NLRP4: variants seen among roughly 807,000 people sequenced by gnomAD.
The protein encoded by NLRP4 is NACHT, LRR and PYD domains-containing protein 4.
Under a neutral mutation model 84.7 loss-of-function variants are expected in NLRP4, and 44 were observed. The ratio of observed to expected loss-of-function variants is 0.52; its 90% CI spans 0.41 to 0.67. The LOEUF (loss-of-function observed/expected upper bound fraction) is 0.67. NLRP4 is among the 30% of genes least tolerant of loss of function. NLRP4 has a pLI of 0.00. For missense variants in NLRP4, 1,260 were observed against 1,219.4 expected (o/e 1.03, Z -0.50); for synonymous variants, 544 against 476.4 (o/e 1.14, Z -1.85).
At chr19:55,847,466 T>G (rs759241564) in intron 1 of NLRP4, among the ~76,000 whole-genome samples, 31 of 152,322 alleles carry the variant, frequency 2.0e-4, no homozygotes, top group Middle Eastern at 3.4e-3. Flanking sequence ...TAAAATGTGT[T>G]GATTTTTATA....
intron 6 of NLRP4, among the ~76,000 whole-genome samples, chr19:55,868,503 CTT>C (rs58089624): frequency 5.0e-5 from 7 of 139,898 alleles, no homozygotes; most frequent in Admixed American, 7.2e-5. Flanking sequence ...GCATTTGTGT[CTT>C]TTTTTTTTTT....
In NLRP4 at chr19:55,858,905, T is replaced by C. The variant is rs1337278304; in HGVS notation, c.1512T>C (p.Thr504=). The change falls in exon 3 of 10, where the codon ACT becomes ACC. Residue 504 remains threonine (T), a synonymous_variant. Coordinates refer to ENST00000301295, the MANE Select transcript of NLRP4 (RefSeq NM_134444.5). This position sits in a 1 kb window ranked among gnomAD's most constrained non-coding sequence, Gnocchi z 4.2. The part of the protein sequence containing the change: ...AHWIFLGCFL[T]GLLNKKEQEK... ...GGATTTTTTTGGGGTGTTTTCTAAC[T>C]GGCCTTTTAAATAAAAAGGAACAAG... 1.2e-6 allele frequency: 2 copies of C among 1,614,172 alleles called. No homozygotes were observed. Among genetic ancestry groups the C allele is most frequent in the South Asian group, 1.1e-5 (1 of 91,086 alleles).
At chr19:55,864,760 AT>A (rs1216291812) in intron 5 of NLRP4, among the ~76,000 whole-genome samples, 2 of 151,910 alleles carry the variant, frequency 1.3e-5, no homozygotes, top group African/African-American at 4.8e-5. Context: ...ATATTTACTT[AT>A]TTTTTATTAT....
chr19:55,867,064 C>T (rs138936477), intron 5 of NLRP4, among the ~76,000 whole-genome samples: 3,427 of 149,642 alleles, frequency 0.023, 76 homozygotes, highest in Middle Eastern at 0.11. Flanking sequence ...GACGGTGCAT[C>T]TCAGGTTGGC....
At position 55,857,947 on chromosome 19, in the gene NLRP4, C is replaced by T. The variant is rs766611789; in HGVS notation, c.554C>T (p.Thr185Met). The T allele has an allele frequency of 4.5e-5, 73 of 1,614,074 alleles. No individual in the cohort carries two copies. Among genetic ancestry groups the T allele is most frequent in the South Asian group, 1.8e-4 (16 of 91,078 alleles). Residue 185 changes from threonine (T) to methionine (M), a missense_variant, in exon 3 of 10, where the codon ACG becomes ATG. Physicochemically the swap from Thr to Met is moderately conservative, Grantham distance 81. Around this residue, in one of 3 missense-constraint regions of NLRP4, gnomAD observed 712 missense variants for 669.2 expected, o/e 1.06. Transcript: ENST00000301295. ...ATCTTTCGGGATAGGTTCCTGTACA[C>T]GTTCTATTTCTGCTGCAGAGAACTG... ...NKIFRDRFLYTFYFCCRELRE... is the reference protein window; with the variant it reads ...NKIFRDRFLYMFYFCCRELRE...
Position 55,858,473 on chromosome 19 carries a change from C to T in NLRP4, c.1080C>T (p.Asp360=). 1.2e-6 allele frequency: 2 copies of T among 1,614,136 alleles called. No individual in the cohort carries two copies. The highest frequency in any genetic ancestry group is 1.7e-6 in the Non-Finnish European group (2 of 1,180,040). ...AGCAAGAGATGCAGAAAGGAAAAGA[C>T]CTGGCCCTGACCTGCCAGAGCACTA... ...SLKQEMQKGK[D]LALTCQSTTS... The change falls in exon 3 of 10, where the codon GAC becomes GAT. Residue 360 remains aspartate (D), a synonymous_variant. Transcript: ENST00000301295. This position sits in a 1 kb window ranked among gnomAD's most constrained non-coding sequence, Gnocchi z 4.2.
chr19:55,848,912 T>A (rs112285405), intron 1 of NLRP4, among the ~76,000 whole-genome samples: 2,750 of 152,270 alleles, frequency 0.018, 46 homozygotes, highest in Non-Finnish European at 0.028. Flanking sequence ...GATGGTTCTA[T>A]AAGGGGAAAC....
At chr19:55,879,310 A>G (rs2123073527) in intron 9 of NLRP4, among the ~76,000 whole-genome samples, 1 of 152,314 alleles carries the variant, frequency 6.6e-6, no homozygotes, top group African/African-American at 2.4e-5. Context: ...GGCAAAAGAA[A>G]GAAGAGCTGT....
chr19:55,845,932 C>G (rs1289948655), intron 1 of NLRP4, among the ~76,000 whole-genome samples: 6 of 150,992 alleles, frequency 4.0e-5, no homozygotes, highest in Non-Finnish European at 7.4e-5. Flanking sequence ...AGCCCTTTGT[C>G]AGATGAGTAG....
In NLRP4 at chr19:55,858,013, G is replaced by T. The variant is rs1337776698; in HGVS notation, c.620G>T (p.Arg207Ile). ...ACGAGTTTGGCTGACTTGATTTCCAGAGAGTGGCCTGACCCCGCTGCTCCT... is the reference window on the plus strand; with the variant it reads ...ACGAGTTTGGCTGACTTGATTTCCATAGAGTGGCCTGACCCCGCTGCTCCT... ...PPTSLADLIS[R>I]EWPDPAAPIT... The change falls in exon 3 of 10, where the codon AGA becomes ATA. Residue 207 changes from arginine (R) to isoleucine (I), a missense_variant. Arg to Ile is a moderately conservative substitution (Grantham distance 97). Transcript: ENST00000301295. The surrounding 1 kb of genome is among the most constrained non-coding windows in gnomAD (Gnocchi z 4.2). 1.9e-6 allele frequency: 3 copies of T among 1,614,104 alleles called. No individual in the cohort carries two copies. The African/African-American group carries it at 4.0e-5, about 22-fold the overall frequency.
rs542009706 is a variant in NLRP4, at chr19:55,878,283, C to T, written c.2697-511C>T. Among the ~76,000 whole-genome samples the T allele has an allele frequency of 5.3e-5, 8 of 151,716 alleles. 1 individual carries two copies. The highest frequency in any genetic ancestry group is 3.9e-4 in the Admixed American group (6 of 15,240). On this transcript the variant is annotated intron_variant, in intron 8 of 9. Coordinates refer to ENST00000301295, the MANE Select transcript of NLRP4 (RefSeq NM_134444.5). ...ATCTCCACAAAAATTAGCCCGCAGGCGTGGTGCATGCCTGTAGTCCCAGCT... is the reference window on the plus strand; with the variant it reads ...ATCTCCACAAAAATTAGCCCGCAGGTGTGGTGCATGCCTGTAGTCCCAGCT...
chr19:55,843,279 A>G (rs1222251307), intron 1 of NLRP4, among the ~76,000 whole-genome samples: 1 of 151,930 alleles, frequency 6.6e-6, no homozygotes, highest in East Asian at 1.9e-4. Context: ...TAACTTCTTT[A>G]TGTTCTAATG....
intron 5 of NLRP4, among the ~76,000 whole-genome samples, chr19:55,865,280 C>T (rs1041111629): frequency 1.3e-5 from 2 of 152,204 alleles, no homozygotes; most frequent in Admixed American, 1.3e-4. Context: ...AGGATAATGG[C>T]CTCCAGCTCC....
intron 1 of NLRP4, among the ~76,000 whole-genome samples, chr19:55,845,798 T>C (rs930782883): frequency 2.7e-5 from 4 of 148,782 alleles, no homozygotes; most frequent in African/African-American, 1.0e-4. Context: ...CATTTTTTCA[T>C]GTGTTTTTTG....
intron 2 of NLRP4, among the ~76,000 whole-genome samples, chr19:55,852,719 C>A (rs1476896781): frequency 6.6e-6 from 1 of 152,108 alleles, no homozygotes; most frequent in Non-Finnish European, 1.5e-5. Context: ...TCAGGTGATC[C>A]ACCCATCTTG....
Position 55,857,960 on chromosome 19 carries a change from C to T in NLRP4, c.567C>T (p.Cys189=), listed in dbSNP as rs1600229713. The change falls in exon 3 of 10, where the codon TGC becomes TGT. Residue 189 remains cysteine, a synonymous_variant. Coordinates refer to ENST00000301295, the MANE Select transcript of NLRP4 (RefSeq NM_134444.5). ...RDRFLYTFYF[C]CRELRELPPT... is the part of the protein sequence containing the mutation. ...GGTTCCTGTACACGTTCTATTTCTG[C>T]TGCAGAGAACTGAGGGAGTTGCCGC... 3 of 1,614,056 alleles carry T rather than the reference C, an allele frequency of 1.9e-6. No individual in the cohort carries two copies. The highest frequency in any genetic ancestry group is 2.5e-6 in the Non-Finnish European group (3 of 1,179,924).
rs1250214239 is a variant in NLRP4 at position 55,867,834 on chromosome 19, G to A, written c.2312G>A (p.Cys771Tyr). Residue 771 changes from cysteine (C) to tyrosine (Y), a missense_variant, in exon 6 of 10, where the codon TGT becomes TAT. Around this residue, in one of 3 missense-constraint regions of NLRP4, gnomAD observed 544 missense variants for 531.7 expected, o/e 1.02. Transcript: ENST00000301295. ...TTAGACACAGGCGTGCCCCTTTTGT[G>A]TGAAGCCCTGTGCAGCCCAGACACG... ...NQLDTGVPLL[C>Y]EALCSPDTVL... 2 of 1,614,042 alleles carry A rather than the reference G, an allele frequency of 1.2e-6. No individual in the cohort carries two copies. Among genetic ancestry groups the A allele is most frequent in the Non-Finnish European group, 1.7e-6 (2 of 1,180,026 alleles).
intron 9 of NLRP4, among the ~76,000 whole-genome samples, chr19:55,879,190 G>A (rs1432462989): frequency 6.6e-6 from 1 of 152,168 alleles, no homozygotes. Context: ...TGGCCTCATT[G>A]TCTGGGGTAA....
chr19:55,878,857 T>C lies in NLRP4; in HGVS notation c.2760T>C (p.Ser920=), dbSNP rs1985476880. The change falls in exon 9 of 10, where the codon AGT becomes AGC. Residue 920 remains serine (S), a synonymous_variant. Transcript: ENST00000301295. ...CKDLASVLTC[S]KTLQQLNLTL... ...ATCTCGCGTCTGTTCTCACCTGCAGTAAGACCCTGCAGCAGCTCAACCTGA... is the reference window on the plus strand; with the variant it reads ...ATCTCGCGTCTGTTCTCACCTGCAGCAAGACCCTGCAGCAGCTCAACCTGA... The C allele has an allele frequency of 1.2e-6, 2 of 1,613,294 alleles. No individual in the cohort carries two copies. Among genetic ancestry groups the C allele is most frequent in the African/African-American group, 2.7e-5 (2 of 74,896 alleles).
Sources: allele counts gnomAD v4.1 joint callset (sites outside exome capture counted in the v4.1 genomes callset), GRCh38; gene constraint gnomAD v4.1.1; regional missense constraint gnomAD v4.1.1; non-coding constraint Gnocchi (gnomAD v3.1); transcripts MANE v1.5; gene names NCBI Gene and HGNC (gene_info 2026-07-23, HGNC 2026-07-21).